ITSN2: variants seen among roughly 807,000 people sequenced by gnomAD.
ITSN2 encodes intersectin-2.
Under a neutral mutation model 243.7 loss-of-function variants are expected in ITSN2, and 156 were observed. The ratio of observed to expected loss-of-function variants is 0.64; its 90% CI spans 0.56 to 0.73. ITSN2 has a LOEUF of 0.73. Among genes scored for constraint, ITSN2 ranks in the 30% least tolerant of loss-of-function variants. ITSN2 has a pLI of 0.00. For missense variants in ITSN2, 1,801 were observed against 1,996.1 expected (o/e 0.90, Z 1.86); for synonymous variants, 703 against 699.9 (o/e 1.00, Z -0.07).
intron 37 of ITSN2, among the ~76,000 whole-genome samples, chr2:24,207,751 T>G (rs1573848145): frequency 1.4e-5 from 2 of 146,524 alleles, no homozygotes; most frequent in African/African-American, 2.5e-5. Context: ...TCTGGTGAAG[T>G]GAGAAGGGGG....
At chr2:24,218,142 T>A in intron 30 of ITSN2, 129 bp from the exon 31 acceptor site, 1 of 625,696 alleles carries the variant, frequency 1.6e-6, no homozygotes, top group Non-Finnish European at 2.8e-6. Context: ...AAACTGAAGC[T>A]AATCATCCAA....
At chr2:24,243,334 A>G (rs1437362762) in intron 29 of ITSN2, among the ~76,000 whole-genome samples, 1 of 152,226 alleles carries the variant, frequency 6.6e-6, no homozygotes, top group Non-Finnish European at 1.5e-5. Context: ...ATACCAAATG[A>G]TGAATTTCTT....
At chr2:24,334,663 A>G in intron 1 of ITSN2, 1 of 1,519,392 alleles carries the variant, frequency 6.6e-7, no homozygotes, top group East Asian at 2.3e-5. Flanking sequence ...ATGGTGGGCA[A>G]ACTAAGCTGA....
At position 24,310,484 on chromosome 2, in the gene ITSN2, C is replaced by T; in HGVS notation, c.556+5G>A. The T allele has an allele frequency of 1.2e-6, 2 of 1,613,184 alleles. No homozygotes were observed. The highest frequency in any genetic ancestry group is 2.2e-5 in the East Asian group (1 of 44,876). On this transcript the variant is annotated splice_donor_5th_base_variant and intron_variant, in intron 6 of 39. Transcript: ENST00000355123. ...ATAATGACTCTTTAGAAACAAAGTA[C>T]TCACTTGAAGAAGAATAAGGAATGG...
chr2:24,239,106 G>C (rs566013656), intron 29 of ITSN2: 2 of 152,536 alleles, frequency 1.3e-5, no homozygotes, highest in East Asian at 1.9e-4. Context: ...ACAGCACTTT[G>C]CAACAATTTA....
intron 30 of ITSN2, 175 bp downstream of exon 30, chr2:24,220,770 C>A: frequency 1.4e-6 from 2 of 1,409,790 alleles, no homozygotes; most frequent in Non-Finnish European, 1.8e-6. Flanking sequence ...CATTATCCGG[C>A]AGGCAGAGAC....
intron 20 of ITSN2, among the ~76,000 whole-genome samples, chr2:24,263,299 GGTA>G (rs1676156134): frequency 6.6e-6 from 1 of 152,002 alleles, no homozygotes; most frequent in South Asian, 2.1e-4. Flanking sequence ...AAATGAATAT[GGTA>G]GTTGTGTCTC....
At chr2:24,282,785 A>T (rs535230533) in intron 17 of ITSN2, among the ~76,000 whole-genome samples, 33 of 152,172 alleles carry the variant, frequency 2.2e-4, no homozygotes, top group Non-Finnish European at 3.4e-4. Context: ...TTTACTGTCA[A>T]CTTCCTACTC....
At chr2:24,267,578 G>A (rs79264798) in intron 20 of ITSN2, among the ~76,000 whole-genome samples, 1 of 152,120 alleles carries the variant, frequency 6.6e-6, no homozygotes, top group African/African-American at 2.4e-5. Flanking sequence ...TTCAGACAGG[G>A]TCTTACTCTG....
intron 3 of ITSN2, 91 bp from the exon 4 acceptor site, chr2:24,313,614 T>C: frequency 1.3e-6 from 1 of 787,792 alleles, no homozygotes; most frequent in East Asian, 2.8e-5. Context: ...TGTTAATGAT[T>C]TATTATAATT....
intron 2 of ITSN2, among the ~76,000 whole-genome samples, chr2:24,322,835 G>A (rs974022525): frequency 6.6e-6 from 1 of 151,920 alleles, no homozygotes; most frequent in Admixed American, 6.6e-5. Flanking sequence ...ATAAATATAG[G>A]TCAGCATATA....
intron 10 of ITSN2, among the ~76,000 whole-genome samples, chr2:24,301,443 A>G (rs1296934437): frequency 6.6e-6 from 1 of 152,242 alleles, no homozygotes; most frequent in East Asian, 1.9e-4. Flanking sequence ...CAGTTCAGCT[A>G]ATTTTGGTTC....
At chr2:24,253,521 G>A (rs1180405294) in intron 24 of ITSN2, among the ~76,000 whole-genome samples, 2 of 152,122 alleles carry the variant, frequency 1.3e-5, no homozygotes, top group Non-Finnish European at 2.9e-5. Context: ...CTCATCCTTT[G>A]TCACTCTGCT....
chr2:24,215,963 T>C lies in ITSN2; in HGVS notation c.3990+86A>G, dbSNP rs755013248. On this transcript the variant is annotated intron_variant, in intron 32 of 39. Transcript: ENST00000355123. Reference sequence around the variant, plus strand: ...AAACTGATGGGGATGCCCTTCTCCATTGCTGGGATTCCCTGTTGGGCTACT... The same window carrying C: ...AAACTGATGGGGATGCCCTTCTCCACTGCTGGGATTCCCTGTTGGGCTACT... 42 of 972,004 alleles carry C rather than the reference T, an allele frequency of 4.3e-5. 3 individuals carry two copies. Among genetic ancestry groups the C allele is most frequent in the Non-Finnish European group, 5.8e-5 (40 of 684,908 alleles). 60.2% of individuals were successfully genotyped at this position (972,004 alleles called of 1,614,324 possible). A position where few individuals can be genotyped will look rare whatever the true frequency, so the allele number is the denominator to read the frequency against.
chr2:24,282,659 G>A, intron 17 of ITSN2, among the ~76,000 whole-genome samples: 1 of 152,122 alleles, frequency 6.6e-6, no homozygotes, highest in Non-Finnish European at 1.5e-5. Flanking sequence ...TGGGGTCAGA[G>A]CCCCACAGCC....
rs1237761962 is a variant in ITSN2, at chr2:24,249,522, T to C, written c.3121-640A>G. On this transcript the variant is annotated intron_variant, in intron 25 of 39. Coordinates refer to ENST00000355123, the MANE Select transcript of ITSN2 (RefSeq NM_006277.3). The surrounding 1 kb of genome is among the most constrained non-coding windows in gnomAD (Gnocchi z 4.4). Reference sequence around the variant, plus strand: ...GGGATTAAAAAGAATTTTGTTCTGTTAGTGAACATAGCTGCAGTACAAGTA... The same window carrying C: ...GGGATTAAAAAGAATTTTGTTCTGTCAGTGAACATAGCTGCAGTACAAGTA... 6.6e-6 allele frequency among the ~76,000 whole-genome samples: 1 copy of C among 152,214 alleles called. No individual in the cohort carries two copies. Among genetic ancestry groups the C allele is most frequent in the Admixed American group, 6.5e-5 (1 of 15,274 alleles).
At chr2:24,268,783 C>T (rs1676986357) in intron 20 of ITSN2, among the ~76,000 whole-genome samples, 1 of 151,794 alleles carries the variant, frequency 6.6e-6, no homozygotes, top group Non-Finnish European at 1.5e-5. Flanking sequence ...TTCCCTCAAC[C>T]CACATTTCTC....
intron 13 of ITSN2, among the ~76,000 whole-genome samples, chr2:24,296,592 T>C (rs1001259195): frequency 2.0e-5 from 3 of 151,942 alleles, no homozygotes; most frequent in African/African-American, 7.3e-5. Flanking sequence ...AAACACCATA[T>C]AAGGACACAA....
At chr2:24,358,628 A>T (rs936574771) in intron 1 of ITSN2, among the ~76,000 whole-genome samples, 1 of 152,228 alleles carries the variant, frequency 6.6e-6, no homozygotes, top group Non-Finnish European at 1.5e-5. Flanking sequence ...TTTAAAAAAG[A>T]TATACTAACT....
Sources: gnomAD v4.1 joint callset for allele counts (sites outside exome capture counted in the v4.1 genomes callset) on GRCh38, gnomAD v4.1.1 for gene constraint, Gnocchi (gnomAD v3.1) non-coding constraint, MANE v1.5 for transcripts, NCBI Gene and HGNC (gene_info 2026-07-23, HGNC 2026-07-21) for gene names.